ABCD3: variants seen among roughly 807,000 people sequenced by gnomAD.
ABCD3 encodes the protein ATP binding cassette subfamily D member 3, also known as ATP-binding cassette sub-family D member 3.
ABCD3 carries 41 observed loss-of-function variants against 105.5 expected under a neutral mutation model. That is an observed-to-expected ratio of 0.39 (90% CI 0.30 to 0.50). ABCD3 has a LOEUF of 0.50. ABCD3 is among the 20% of genes least tolerant of loss of function. ABCD3 has a pLI of 0.84. For missense variants in ABCD3, 622 were observed against 806.3 expected (o/e 0.77, Z 2.77); for synonymous variants, 258 against 269.0 (o/e 0.96, Z 0.40).
rs770630711 is a variant in ABCD3 at position 94,483,061 on chromosome 1, A to G, written c.828-109A>G. ...AGATGCACCAGATAAGCTCTTAGTCACAAAATGTCCATTTAAATACAAACA... is the reference window on the plus strand; with the variant it reads ...AGATGCACCAGATAAGCTCTTAGTCGCAAAATGTCCATTTAAATACAAACA... On this transcript the variant is annotated intron_variant, in intron 9 of 22. Transcript: ENST00000370214. The G allele has an allele frequency of 7.0e-4, 538 of 772,304 alleles. 1 individual carries two copies. The highest frequency in any genetic ancestry group is 1.0e-3 in the Non-Finnish European group (444 of 445,004). 47.8% of individuals were successfully genotyped at this position (772,304 alleles called of 1,614,324 possible).
At chr1:94,430,861 G>T (rs1209805320) in intron 1 of ABCD3, among the ~76,000 whole-genome samples, 1 of 152,020 alleles carries the variant, frequency 6.6e-6, no homozygotes, top group Non-Finnish European at 1.5e-5. Flanking sequence ...AAACATTTTT[G>T]CATTATCAAA....
At chr1:94,403,764 T>C in the ABCD3 span, among the ~76,000 whole-genome samples, 2 of 152,190 alleles carry the variant, frequency 1.3e-5, no homozygotes, top group Non-Finnish European at 2.9e-5. Context: ...GCCCTCATGA[T>C]TTTTTAATCA....
At chr1:94,449,979 G>A (rs1181509324) in intron 1 of ABCD3, among the ~76,000 whole-genome samples, 2 of 152,142 alleles carry the variant, frequency 1.3e-5, no homozygotes, top group African/African-American at 2.4e-5. Flanking sequence ...AGAATAAAAA[G>A]CATCTAGAAG....
At chr1:94,406,565 G>T in the ABCD3 span, 1 of 339,324 alleles carries the variant, frequency 2.9e-6, no homozygotes, top group South Asian at 2.7e-5. Context: ...GTTTCAGGAA[G>T]CTATCTCAGC....
At chr1:94,471,628 G>A (rs1648464342) in intron 4 of ABCD3, among the ~76,000 whole-genome samples, 3 of 152,002 alleles carry the variant, frequency 2.0e-5, no homozygotes, top group Admixed American at 6.6e-5. Context: ...TGCTGTGTAT[G>A]AAATTCTTTA....
At chr1:94,495,021 C>T (rs1386459627) in intron 16 of ABCD3, among the ~76,000 whole-genome samples, 2 of 152,038 alleles carry the variant, frequency 1.3e-5, no homozygotes, top group Non-Finnish European at 2.9e-5. Context: ...GCAGAGGTTG[C>T]AGTGAGCGGA....
the ABCD3 span, among the ~76,000 whole-genome samples, chr1:94,398,056 C>G: frequency 6.6e-6 from 1 of 152,038 alleles, no homozygotes; most frequent in East Asian, 1.9e-4. Context: ...TTTATTTATT[C>G]AATCATAATT....
chr1:94,515,608 A>C (rs887686740), intron 22 of ABCD3, among the ~76,000 whole-genome samples: 2 of 151,974 alleles, frequency 1.3e-5, no homozygotes, highest in South Asian at 4.1e-4. Context: ...AACATAAGCT[A>C]TGTTTATCAA....
At chr1:94,392,616 C>T in the ABCD3 span, among the ~76,000 whole-genome samples, 1 of 152,180 alleles carries the variant, frequency 6.6e-6, no homozygotes, top group Non-Finnish European at 1.5e-5. Context: ...ATTGTACCTT[C>T]CCTCTCTTCC....
the ABCD3 span, among the ~76,000 whole-genome samples, chr1:94,396,802 G>A: frequency 6.6e-6 from 1 of 152,120 alleles, no homozygotes; most frequent in Admixed American, 6.5e-5. Flanking sequence ...ATGGTTCCCT[G>A]GCCTGGAACC....
intron 1 of ABCD3, among the ~76,000 whole-genome samples, chr1:94,420,057 T>C (rs183923965): frequency 2.0e-4 from 30 of 152,328 alleles, no homozygotes; most frequent in Non-Finnish European, 7.4e-5. Context: ...TGTTTTAATA[T>C]GGAGGAGGGG....
chr1:94,400,456 T>C, the ABCD3 span, among the ~76,000 whole-genome samples: 1 of 151,918 alleles, frequency 6.6e-6, no homozygotes, highest in African/African-American at 2.4e-5. Context: ...TATGTGTCTT[T>C]GAAATTAAAC....
intron 1 of ABCD3, among the ~76,000 whole-genome samples, chr1:94,425,736 A>T (rs1659443441): frequency 6.6e-6 from 1 of 152,218 alleles, no homozygotes; most frequent in Admixed American, 6.5e-5. Flanking sequence ...TACTTTACGG[A>T]TGCAAAATAG....
intron 21 of ABCD3, among the ~76,000 whole-genome samples, chr1:94,511,267 A>T (rs1650656441): frequency 6.6e-6 from 1 of 152,030 alleles, no homozygotes; most frequent in African/African-American, 2.4e-5. Context: ...GTTTGGCTGG[A>T]TATGAAATTC....
chr1:94,508,699 G>A (rs1372869136), intron 21 of ABCD3, among the ~76,000 whole-genome samples: 2 of 151,154 alleles, frequency 1.3e-5, no homozygotes, highest in African/African-American at 4.9e-5. Context: ...CCTTGAAGAG[G>A]TCCTTCACAT....
Position 94,475,627 on chromosome 1 carries a change from T to C in ABCD3, c.517T>C (p.Tyr173His). 6.2e-7 allele frequency: 1 copy of C among 1,611,954 alleles called. No individual in the cohort carries two copies. The highest frequency in any genetic ancestry group is 8.5e-7 in the Non-Finnish European group (1 of 1,178,406). Residue 173 changes from tyrosine (Y) to histidine (H), a missense_variant, in exon 7 of 23, where the codon TAT becomes CAT. This residue lies in a region of ABCD3 where 245 missense variants were observed against 356.4 expected (regional missense o/e 0.69). Transcript: ENST00000370214. ...TTGCTATTTTAGAGCTTTCACATAT[T>C]ATAAAATGGGGAATCTGGACAACAG... ...YEEYLQAFTY[Y>H]KMGNLDNRIA...
the ABCD3 span, among the ~76,000 whole-genome samples, chr1:94,387,799 C>T: frequency 9.8e-5 from 15 of 152,308 alleles, no homozygotes; most frequent in South Asian, 4.1e-4. Flanking sequence ...ATAACAGCAG[C>T]AGCATTATAA....
In ABCD3 at chr1:94,432,976, TCCTGAGTAACTGGTATTACAGGCACGCAC is replaced by T. The variant is rs565371445; in HGVS notation, c.110+14390_110+14418del. On this transcript the variant is annotated intron_variant, in intron 1 of 22. Coordinates refer to ENST00000370214, the MANE Select transcript of ABCD3 (RefSeq NM_002858.4). ...TTCAAGCAATTCTCCTGCCTCAGCCTCCTGAGTAACTGGTATTACAGGCACGCACCACCACCATGCCCGGCTAATTTTTG... is the reference window on the plus strand; with the variant it reads ...TTCAAGCAATTCTCCTGCCTCAGCCTCACCACCATGCCCGGCTAATTTTTG... Among the ~76,000 whole-genome samples the T allele has an allele frequency of 3.3e-5, 5 of 151,916 alleles. No individual in the cohort carries two copies. In the South Asian group the frequency reaches 1.0e-3, roughly 32 times the overall value.
chr1:94,460,952 G>A (rs1450565760), intron 2 of ABCD3, among the ~76,000 whole-genome samples: 1 of 152,016 alleles, frequency 6.6e-6, no homozygotes. Context: ...AGGACAGCTA[G>A]ATTCATTTTA....
Sources: gnomAD v4.1 joint callset for allele counts (sites outside exome capture counted in the v4.1 genomes callset) on GRCh38, gnomAD v4.1.1 for gene constraint, gnomAD v4.1.1 regional missense constraint, MANE v1.5 for transcripts, NCBI Gene and HGNC (gene_info 2026-07-23, HGNC 2026-07-21) for gene names.